DNM2: variants seen among roughly 807,000 people sequenced by gnomAD.
The protein encoded by DNM2 is dynamin-2.
DNM2 carries 15 observed loss-of-function variants against 99.0 expected under a neutral mutation model. The observed-to-expected ratio is 0.15, with a 90% CI of 0.10 to 0.23. The LOEUF is 0.23. DNM2 is among the 10% of genes least tolerant of loss of function. The pLI is 1.00. For missense variants in DNM2, 742 were observed against 1,189.4 expected (o/e 0.62, Z 5.53); for synonymous variants, 525 against 481.2 (o/e 1.09, Z -1.19).
chr19:10,825,652 G>C (rs1186171828), intron 18 of DNM2, among the ~76,000 whole-genome samples: 1 of 151,886 alleles, frequency 6.6e-6, no homozygotes, highest in Non-Finnish European at 1.5e-5. Context: ...CTGGGCGACA[G>C]AGTGAGACTC....
Position 10,829,156 on chromosome 19 carries a change from C to T in DNM2, c.2179C>T (p.His727Tyr), listed in dbSNP as rs142963320. ...GCGGGACGACATGCTGCGCATGTAC[C>T]ATGCCCTCAAGGAGGCGCTCAACAT... is the stretch of plus-strand genomic sequence containing the variant. ...QRRDDMLRMY[H>Y]ALKEALNIIG... The change falls in exon 19 of 21, where the codon CAT becomes TAT. Residue 727 changes from histidine to tyrosine, a missense_variant. His to Tyr is a moderately conservative substitution (Grantham distance 83, BLOSUM62 2). Transcript: ENST00000389253. The T allele has an allele frequency of 1.4e-4, 223 of 1,613,904 alleles. No homozygotes were observed. The Middle Eastern group carries it at 2.8e-3, about 20-fold the overall frequency.
At chr19:10,738,308 T>C (rs1295721743) in intron 1 of DNM2, among the ~76,000 whole-genome samples, 1 of 152,042 alleles carries the variant, frequency 6.6e-6, no homozygotes, top group African/African-American at 2.4e-5. Flanking sequence ...AGACTTTCAT[T>C]GAGATCAGTA....
chr19:10,790,655 C>A (rs976749650), intron 7 of DNM2, among the ~76,000 whole-genome samples: 4 of 152,182 alleles, frequency 2.6e-5, no homozygotes, highest in Non-Finnish European at 5.9e-5. Flanking sequence ...TTAGTAAAGA[C>A]AGGGGTTTCA....
chr19:10,811,925 G>A lies in DNM2; in HGVS notation c.1558-339G>A, dbSNP rs1353296006. 6.6e-6 allele frequency: 3 copies of A among 456,440 alleles called. No individual in the cohort carries two copies. The highest frequency in any genetic ancestry group is 1.3e-5 in the Non-Finnish European group (3 of 227,918). 28.3% of individuals were successfully genotyped at this position (456,440 alleles called of 1,614,324 possible). On this transcript the variant is annotated intron_variant, in intron 14 of 20. Coordinates refer to ENST00000389253, the MANE Select transcript of DNM2 (RefSeq NM_001005361.3). The surrounding 1 kb of genome is among the most constrained non-coding windows in gnomAD (Gnocchi z 5.4). ...ACCTTATCTCACGCAAACAAGTGCA[G>A]TTCCTCAGATGTCACATTTCATGTG... is the stretch of plus-strand genomic sequence containing the variant.
At chr19:10,821,499 G>C (rs558109186) in intron 16 of DNM2, among the ~76,000 whole-genome samples, 1 of 152,044 alleles carries the variant, frequency 6.6e-6, no homozygotes, top group South Asian at 2.1e-4. Context: ...ATATGCAGAA[G>C]CCGAGCTCTG....
intron 6 of DNM2, among the ~76,000 whole-genome samples, chr19:10,785,582 T>C (rs903423188): frequency 1.3e-5 from 2 of 152,172 alleles, no homozygotes; most frequent in Non-Finnish European, 2.9e-5. Context: ...AGGTGTGTGC[T>C]GCCACACCTA....
Position 10,738,812 on chromosome 19 carries a change from G to A in DNM2, c.161+20409G>A, listed in dbSNP as rs111628268. 8.8e-3 allele frequency among the ~76,000 whole-genome samples: 1,341 copies of A among 151,552 alleles called. 12 individuals carry two copies. The highest frequency in any genetic ancestry group is 0.031 in the African/African-American group (1,261 of 41,278). On this transcript the variant is annotated intron_variant, in intron 1 of 20. Coordinates refer to ENST00000389253, the MANE Select transcript of DNM2 (RefSeq NM_001005361.3). Reference sequence around the variant, plus strand: ...CTGAACCCAGGAGGCAGAGGTTGCTGTGAGCTGAGATCGCACCGTTGCACT... The same window carrying A: ...CTGAACCCAGGAGGCAGAGGTTGCTATGAGCTGAGATCGCACCGTTGCACT...
At position 10,811,433 on chromosome 19, in the gene DNM2, G is replaced by A. The variant is rs1159633925; in HGVS notation, c.1558-831G>A. The stretch of plus-strand genomic sequence containing the variant: ...GCCGTGCCCTGCCATGCCCTGCACT[G>A]GGGGATGCAGGCCAGCCCTTCGCAG... On this transcript the variant is annotated intron_variant, in intron 14 of 20. Transcript: ENST00000389253. The surrounding 1 kb of genome is among the most constrained non-coding windows in gnomAD (Gnocchi z 5.4). 3 of 339,444 alleles carry A rather than the reference G, an allele frequency of 8.8e-6. No individual in the cohort carries two copies. Among genetic ancestry groups the A allele is most frequent in the African/African-American group, 6.5e-5 (3 of 46,304 alleles). 21.0% of individuals were successfully genotyped at this position (339,444 alleles called of 1,614,324 possible).
intron 17 of DNM2, 160 bp downstream of exon 17, chr19:10,824,059 G>A: frequency 1.5e-6 from 1 of 685,324 alleles, no homozygotes; most frequent in Non-Finnish European, 2.5e-6. Flanking sequence ...GAAATTGGGG[G>A]TACTTTGTCA....
intron 1 of DNM2, among the ~76,000 whole-genome samples, chr19:10,755,776 G>A (rs1247569078): frequency 6.6e-6 from 1 of 152,020 alleles, no homozygotes; most frequent in East Asian, 1.9e-4. Context: ...CCATTCTCGT[G>A]TCTTAGCCTC....
chr19:10,794,987 A>G (rs2071884148), intron 8 of DNM2, among the ~76,000 whole-genome samples: 1 of 151,956 alleles, frequency 6.6e-6, no homozygotes, highest in South Asian at 2.1e-4. Context: ...TGGTGCAATC[A>G]CAGCTCACTG....
rs1261399750 is a variant in DNM2, at chr19:10,829,052, A to G, written c.2075A>G (p.His692Arg). 6.2e-7 allele frequency: 1 copy of G among 1,613,240 alleles called. No homozygotes were observed. The highest frequency in any genetic ancestry group is 8.5e-7 in the Non-Finnish European group (1 of 1,179,790). ...LMINNTKAFI[H>R]HELLAYLYSS... ...TGCCCGCAGACGAAGGCCTTCATCC[A>G]CCACGAGCTGCTGGCCTACCTATAC... The change falls in exon 19 of 21, where the codon CAC becomes CGC. Residue 692 changes from histidine (H) to arginine (R), a missense_variant. Physicochemically the swap from His to Arg is conservative, Grantham distance 29 (BLOSUM62 0). This residue lies in a region of DNM2 where 240 missense variants were observed against 431.3 expected (regional missense o/e 0.56). Transcript: ENST00000389253.
intron 1 of DNM2, among the ~76,000 whole-genome samples, chr19:10,733,344 A>G (rs2069405405): frequency 6.7e-6 from 1 of 149,344 alleles, no homozygotes; most frequent in African/African-American, 2.5e-5. Context: ...GGCGCGCACC[A>G]CAATGGCCGG....
chr19:10,825,968 G>T (rs1157734461), intron 18 of DNM2, among the ~76,000 whole-genome samples: 1 of 151,634 alleles, frequency 6.6e-6, no homozygotes, highest in Non-Finnish European at 1.5e-5. Context: ...CCAGGAGGTT[G>T]AGGCTGCAGT....
chr19:10,739,056 C>T (rs2069640969), intron 1 of DNM2, among the ~76,000 whole-genome samples: 1 of 152,008 alleles, frequency 6.6e-6, no homozygotes, highest in Non-Finnish European at 1.5e-5. Context: ...TACTGTAGTC[C>T]CAGCTACTCA....
intron 1 of DNM2, among the ~76,000 whole-genome samples, chr19:10,733,366 T>A (rs906911218): frequency 6.6e-6 from 1 of 151,392 alleles, no homozygotes; most frequent in Non-Finnish European, 1.5e-5. Flanking sequence ...ATTTTTTTTT[T>A]ATTTTCGGTA....
chr19:10,759,783 C>T lies in DNM2; in HGVS notation c.207C>T (p.Leu69=). The T allele has an allele frequency of 1.2e-6, 2 of 1,614,192 alleles. No individual in the cohort carries two copies. Among genetic ancestry groups the T allele is most frequent in the South Asian group, 2.2e-5 (2 of 91,084 alleles). The change falls in exon 2 of 21, where the codon CTC becomes CTT. Residue 69 remains leucine (L), a synonymous_variant. Transcript: ENST00000389253. ...CAGGAATCGTCACCCGGCGGCCTCT[C>T]ATTCTGCAGCTCATCTTCTCAAAAA... ...RGSGIVTRRP[L]ILQLIFSKTE...
chr19:10,754,120 C>T (rs2070300391), intron 1 of DNM2, among the ~76,000 whole-genome samples: 1 of 152,176 alleles, frequency 6.6e-6, no homozygotes, highest in African/African-American at 2.4e-5. Flanking sequence ...GAGAAACTAA[C>T]AGGGTTGTAA....
At chr19:10,753,688 G>A (rs1036280717) in intron 1 of DNM2, among the ~76,000 whole-genome samples, 2 of 149,384 alleles carry the variant, frequency 1.3e-5, no homozygotes, top group Non-Finnish European at 3.0e-5. Flanking sequence ...ACGGAGTTTC[G>A]CTCTTTGTTG....
Sources: gnomAD v4.1 joint callset for allele counts (sites outside exome capture counted in the v4.1 genomes callset) on GRCh38, gnomAD v4.1.1 for gene constraint, gnomAD v4.1.1 regional missense constraint, Gnocchi (gnomAD v3.1) non-coding constraint, MANE v1.5 for transcripts, NCBI Gene and HGNC (gene_info 2026-07-23, HGNC 2026-07-21) for gene names.